Variants in PPME1 observed in about 807,000 individuals in gnomAD.
The protein encoded by PPME1 is protein phosphatase methylesterase 1, also known as testicular secretory protein Li 39.
In PPME1, 17 loss-of-function variants were observed where a neutral mutation model predicts 56.9. That is an observed-to-expected ratio of 0.30 (90% CI 0.20 to 0.45). The LOEUF is 0.45. Among genes scored for constraint, PPME1 ranks in the 20% least tolerant of loss-of-function variants. The probability of loss-of-function intolerance (pLI) is 1.00; values close to 1 mark genes in which losing one functional copy is unlikely to be tolerated. For synonymous variants in PPME1, 122 were observed against 156.2 expected (o/e 0.78, Z 1.63); for missense variants, 357 against 483.2 (o/e 0.74, Z 2.45).
intron 9 of PPME1, 124 bp downstream of exon 9, chr11:74,239,380 C>T: frequency 7.1e-7 from 1 of 1,404,238 alleles, no homozygotes; most frequent in Non-Finnish European, 9.4e-7. Context: ...AGCCAAGACA[C>T]TATCATAAGA....
At chr11:74,185,304 A>G (rs1565376095) in intron 1 of PPME1, among the ~76,000 whole-genome samples, 1 of 152,022 alleles carries the variant, frequency 6.6e-6, no homozygotes. Flanking sequence ...GGTCTGAAGT[A>G]TGTCTTTTAT....
chr11:74,197,557 C>T (rs1427524922), intron 1 of PPME1, among the ~76,000 whole-genome samples: 1 of 152,150 alleles, frequency 6.6e-6, no homozygotes, highest in Non-Finnish European at 1.5e-5. Flanking sequence ...CTATAATCCC[C>T]TAACATGAAG....
intron 1 of PPME1, among the ~76,000 whole-genome samples, chr11:74,199,922 C>T (rs556926372): frequency 1.3e-5 from 2 of 152,196 alleles, no homozygotes; most frequent in East Asian, 1.9e-4. Context: ...GGAAACTGCC[C>T]CCATGATTCA....
intron 11 of PPME1, 181 bp from the exon 12 acceptor site, chr11:74,250,773 T>G (rs1281574138): frequency 3.4e-6 from 2 of 579,886 alleles, no homozygotes; most frequent in Non-Finnish European, 6.2e-6. Flanking sequence ...GGGAAATGAT[T>G]GGCGCAAGGT....
intron 9 of PPME1, chr11:74,243,290 G>A (rs1167969700): frequency 6.8e-6 from 1 of 147,612 alleles, no homozygotes; most frequent in African/African-American, 2.7e-5. Flanking sequence ...TCCTAATTCT[G>A]TCCAGAATTT....
At chr11:74,172,395 C>T (rs1857280379) in intron 1 of PPME1, among the ~76,000 whole-genome samples, 1 of 152,100 alleles carries the variant, frequency 6.6e-6, no homozygotes, top group East Asian at 1.9e-4. Flanking sequence ...AATGGAAGTG[C>T]TGCAGTTGTA....
At chr11:74,240,826 C>T (rs543044373) in intron 9 of PPME1, among the ~76,000 whole-genome samples, 6 of 152,310 alleles carry the variant, frequency 3.9e-5, no homozygotes, top group African/African-American at 1.4e-4. Flanking sequence ...ATTTGAGACT[C>T]TTAATATAAT....
chr11:74,187,463 A>G (rs1857716237), intron 1 of PPME1, among the ~76,000 whole-genome samples: 1 of 152,180 alleles, frequency 6.6e-6, no homozygotes, highest in Non-Finnish European at 1.5e-5. Flanking sequence ...TTATTTGGCT[A>G]TATTTATTCC....
At chr11:74,198,200 A>G (rs1470051424) in intron 1 of PPME1, among the ~76,000 whole-genome samples, 2 of 152,176 alleles carry the variant, frequency 1.3e-5, no homozygotes, top group Non-Finnish European at 2.9e-5. Flanking sequence ...ATCATCTTTC[A>G]TATCTTGAAC....
At chr11:74,232,352 G>C (rs906719782) in intron 7 of PPME1, among the ~76,000 whole-genome samples, 3 of 152,246 alleles carry the variant, frequency 2.0e-5, no homozygotes, top group African/African-American at 7.2e-5. Context: ...AACTGAATCA[G>C]ATATCAAGTG....
chr11:74,181,231 G>T (rs1390500092), intron 1 of PPME1, among the ~76,000 whole-genome samples: 2 of 149,636 alleles, frequency 1.3e-5, no homozygotes, highest in African/African-American at 4.9e-5. Flanking sequence ...TGTATTTTTA[G>T]TAGAGACGGG....
intron 3 of PPME1, among the ~76,000 whole-genome samples, chr11:74,206,356 T>G (rs1370233870): frequency 6.6e-6 from 1 of 152,082 alleles, no homozygotes; most frequent in Non-Finnish European, 1.5e-5. Flanking sequence ...TTAAAGACTG[T>G]TTTTTTCTTT....
chr11:74,222,916 C>CT (rs1769656530), intron 4 of PPME1, among the ~76,000 whole-genome samples: 1 of 150,740 alleles, frequency 6.6e-6, no homozygotes, highest in Admixed American at 6.6e-5. Context: ...AGAAAATGTC[C>CT]TTTAAAGTCA....
intron 3 of PPME1, among the ~76,000 whole-genome samples, chr11:74,217,695 T>C (rs775081687): frequency 6.6e-6 from 1 of 152,072 alleles, no homozygotes; most frequent in Non-Finnish European, 1.5e-5. Context: ...ATCATTTCAA[T>C]TGATGCTGGA....
At chr11:74,222,028 T>C (rs1858813336) in intron 3 of PPME1, among the ~76,000 whole-genome samples, 1 of 152,204 alleles carries the variant, frequency 6.6e-6, no homozygotes, top group East Asian at 1.9e-4. Flanking sequence ...GGTCATTGTC[T>C]AAAGGCTCTT....
chr11:74,218,069 T>C (rs1212080370), intron 3 of PPME1, among the ~76,000 whole-genome samples: 1 of 152,180 alleles, frequency 6.6e-6, no homozygotes, highest in Admixed American at 6.6e-5. Flanking sequence ...CTGATCAATT[T>C]AATAAAGTTA....
Position 74,231,011 on chromosome 11 carries a change from CA to C in PPME1, c.644+12del. The C allele has an allele frequency of 6.4e-7, 1 of 1,568,642 alleles. No homozygotes were observed. The highest frequency in any genetic ancestry group is 8.7e-7 in the Non-Finnish European group (1 of 1,149,096). On this transcript the variant is annotated intron_variant, in intron 7 of 13. Coordinates refer to ENST00000328257, the MANE Select transcript of PPME1 (RefSeq NM_016147.3). ...AATGCTATTGAATGGAGGTAACCAA[CA>C]AATCTTTGTCGCCTTTATTTAATTA...
intron 3 of PPME1, among the ~76,000 whole-genome samples, chr11:74,210,764 T>C (rs1213972618): frequency 1.3e-5 from 2 of 152,220 alleles, no homozygotes; most frequent in Admixed American, 1.3e-4. Flanking sequence ...CTTATACAGC[T>C]TGCAGAACTG....
At position 74,254,011 on chromosome 11, in the gene PPME1, T is replaced by G. The variant is rs1565399209; in HGVS notation, c.*501T>G. On this transcript the variant is annotated 3_prime_UTR_variant, in exon 14 of 14. Coordinates refer to ENST00000328257, the MANE Select transcript of PPME1 (RefSeq NM_016147.3). ...GTACCGTTTTATCCCAGTCGTACTC[T>G]TCCAGGTTTGGAAGACCCAGAGAGG... The G allele has an allele frequency of 1.3e-5, 2 of 157,034 alleles. No individual in the cohort carries two copies. The highest frequency in any genetic ancestry group is 1.3e-4 in the Admixed American group (2 of 15,674). 9.7% of individuals were successfully genotyped at this position (157,034 alleles called of 1,614,324 possible).
Sources: allele counts gnomAD v4.1 joint callset (sites outside exome capture counted in the v4.1 genomes callset), GRCh38; gene constraint gnomAD v4.1.1; transcripts MANE v1.5; gene names NCBI Gene and HGNC (gene_info 2026-07-23, HGNC 2026-07-21).